The following NEGR1 variants were observed in gnomAD, a reference collection of about 807,000 sequenced individuals.
NEGR1 encodes the protein neuronal growth regulator 1.
Under a neutral mutation model 40.9 loss-of-function variants are expected in NEGR1, and 10 were observed. That is an observed-to-expected ratio of 0.24 (90% CI 0.15 to 0.42). The LOEUF (loss-of-function observed/expected upper bound fraction) is 0.42. NEGR1 is among the 10% of genes least tolerant of loss of function. The pLI, the probability that NEGR1 is intolerant of heterozygous loss-of-function variation, is 1.00. For synonymous variants in NEGR1, 185 were observed against 166.8 expected (o/e 1.11, Z -0.84); for missense variants, 352 against 438.9 (o/e 0.80, Z 1.77).
chr1:71,987,298 A>G (rs1415839548), intron 1 of NEGR1, among the ~76,000 whole-genome samples: 2 of 152,330 alleles, frequency 1.3e-5, no homozygotes, highest in Admixed American at 6.5e-5. Flanking sequence ...GAGGGTTTCA[A>G]TCAAGGCCTG....
chr1:71,425,236 G>C (rs1209287453), intron 6 of NEGR1, among the ~76,000 whole-genome samples: 2 of 152,148 alleles, frequency 1.3e-5, no homozygotes, highest in African/African-American at 4.8e-5. Context: ...GAGCAGGAAG[G>C]CTTAAAGCAT....
In NEGR1 at chr1:71,407,255, A is replaced by C; in HGVS notation, c.*191T>G. ...AAAAGGACAATGTGTACTGCTTCACAAGGTAATGTAGCTAATCAAAAAAGA... is the reference window on the plus strand; with the variant it reads ...AAAAGGACAATGTGTACTGCTTCACCAGGTAATGTAGCTAATCAAAAAAGA... On this transcript the variant is annotated 3_prime_UTR_variant, in exon 7 of 7. Coordinates refer to ENST00000357731, the MANE Select transcript of NEGR1 (RefSeq NM_173808.3). 1 of 489,678 alleles carries C rather than the reference A, an allele frequency of 2.0e-6. No individual in the cohort carries two copies. Among genetic ancestry groups the C allele is most frequent in the East Asian group, 3.3e-5 (1 of 30,268 alleles). The allele number at this position is 489,678 out of a possible 1,614,324, so 30.3% of individuals were successfully genotyped here. A position where few individuals can be genotyped will look rare whatever the true frequency, so the allele number is the denominator to read the frequency against.
chr1:71,487,659 A>C (rs1646895847), intron 6 of NEGR1, among the ~76,000 whole-genome samples: 1 of 151,776 alleles, frequency 6.6e-6, no homozygotes, highest in Non-Finnish European at 1.5e-5. Flanking sequence ...AATATTACTG[A>C]GCTATGAATG....
At chr1:72,245,023 T>C (rs974651849) in intron 1 of NEGR1, among the ~76,000 whole-genome samples, 5 of 152,026 alleles carry the variant, frequency 3.3e-5, no homozygotes, top group African/African-American at 1.2e-4. Context: ...AGCATGTATT[T>C]ATAGTACGAG....
chr1:72,023,490 C>T (rs1646778700), intron 1 of NEGR1, among the ~76,000 whole-genome samples: 1 of 151,822 alleles, frequency 6.6e-6, no homozygotes, highest in South Asian at 2.1e-4. Flanking sequence ...AATTCTCCCA[C>T]ATAGAAAGCC....
intron 1 of NEGR1, among the ~76,000 whole-genome samples, chr1:72,185,827 C>T (rs146142964): frequency 1.4e-4 from 21 of 151,742 alleles, no homozygotes; most frequent in East Asian, 1.2e-3. Context: ...TAAGTTGTCC[C>T]GCACCCAATG....
intron 2 of NEGR1, among the ~76,000 whole-genome samples, chr1:71,827,430 G>C (rs1298759987): frequency 6.6e-6 from 1 of 151,554 alleles, no homozygotes; most frequent in Non-Finnish European, 1.5e-5. Context: ...TTCAATCAAT[G>C]AAAAAGCTGA....
chr1:71,460,516 A>G (rs987437923), intron 6 of NEGR1, among the ~76,000 whole-genome samples: 24 of 152,210 alleles, frequency 1.6e-4, no homozygotes, highest in Admixed American at 3.9e-4. Flanking sequence ...GCTCTTCTCA[A>G]TTATAAAACA....
At chr1:71,425,337 A>G (rs1186848130) in intron 6 of NEGR1, among the ~76,000 whole-genome samples, 2 of 152,204 alleles carry the variant, frequency 1.3e-5, no homozygotes, top group Non-Finnish European at 2.9e-5. Flanking sequence ...GTTTTTGTTT[A>G]AACTGAAAGC....
At chr1:72,135,209 T>C (rs901495388) in intron 1 of NEGR1, among the ~76,000 whole-genome samples, 1 of 148,718 alleles carries the variant, frequency 6.7e-6, no homozygotes, top group African/African-American at 2.4e-5. Flanking sequence ...ACCCCGTCTG[T>C]ACTAAAAATA....
chr1:72,126,088 AGTATGT>A (rs1338219610), intron 1 of NEGR1, among the ~76,000 whole-genome samples: 116 of 129,414 alleles, frequency 9.0e-4, no homozygotes, highest in Non-Finnish European at 1.3e-3. Flanking sequence ...ATTAGAGAAA[AGTATGT>A]GTGTGTGTGT....
intron 1 of NEGR1, among the ~76,000 whole-genome samples, chr1:72,168,067 G>A (rs1219391555): frequency 5.3e-5 from 8 of 151,074 alleles, no homozygotes; most frequent in African/African-American, 1.7e-4. Context: ...GTGCAGTGGC[G>A]TGATCTCGGC....
chr1:71,674,913 C>T (rs1652564240), intron 4 of NEGR1, among the ~76,000 whole-genome samples: 1 of 151,468 alleles, frequency 6.6e-6, no homozygotes, highest in African/African-American at 2.4e-5. Context: ...TTTCATCCAA[C>T]AGAATGTAGG....
intron 1 of NEGR1, among the ~76,000 whole-genome samples, chr1:71,988,785 C>A (rs1352993275): frequency 1.3e-5 from 2 of 151,454 alleles, no homozygotes; most frequent in Non-Finnish European, 1.5e-5. Context: ...GAACAAACAC[C>A]TGCCACAGTG....
intron 4 of NEGR1, among the ~76,000 whole-genome samples, chr1:71,673,702 G>A (rs1490705470): frequency 2.0e-5 from 3 of 152,066 alleles, no homozygotes; most frequent in African/African-American, 7.2e-5. Context: ...TAATGGGCAT[G>A]TTACATTTAA....
chr1:71,648,529 A>C (rs1651607857), intron 4 of NEGR1, among the ~76,000 whole-genome samples: 1 of 152,056 alleles, frequency 6.6e-6, no homozygotes, highest in African/African-American at 2.4e-5. Flanking sequence ...AAAACTGTAC[A>C]GAGAGCATTC....
chr1:72,000,934 G>A (rs1004878145), intron 1 of NEGR1, among the ~76,000 whole-genome samples: 2 of 152,094 alleles, frequency 1.3e-5, no homozygotes, highest in Non-Finnish European at 2.9e-5. Flanking sequence ...ACTTGCAAAG[G>A]AGAGCTTGCC....
chr1:71,748,892 A>G (rs938803202), intron 3 of NEGR1, among the ~76,000 whole-genome samples: 5 of 152,134 alleles, frequency 3.3e-5, no homozygotes, highest in African/African-American at 1.2e-4. Flanking sequence ...AAAATTAGAG[A>G]CTTATCAAAG....
chr1:71,921,380 T>C (rs1645715592), intron 2 of NEGR1, among the ~76,000 whole-genome samples: 1 of 152,054 alleles, frequency 6.6e-6, no homozygotes, highest in Admixed American at 6.6e-5. Flanking sequence ...CTTTGAACAA[T>C]GCAGGTTTAA....
Sources: allele counts gnomAD v4.1 joint callset (sites outside exome capture counted in the v4.1 genomes callset), GRCh38; gene constraint gnomAD v4.1.1; transcripts MANE v1.5; gene names NCBI Gene and HGNC (gene_info 2026-07-23, HGNC 2026-07-21).